Variants in IFIH1 observed in about 807,000 individuals in gnomAD.
The protein encoded by IFIH1 is interferon-induced helicase C domain-containing protein 1.
Under a neutral mutation model 107.4 loss-of-function variants are expected in IFIH1, and 125 were observed. That is an observed-to-expected ratio of 1.16 (90% CI 1.01 to 1.35). The LOEUF is 1.35. Ranked by LOEUF, IFIH1 falls within the 40% of genes most tolerant of loss-of-function variation. IFIH1 has a pLI of 0.00. For synonymous variants in IFIH1, 458 were observed against 413.2 expected (o/e 1.11, Z -1.31); for missense variants, 1,333 against 1,213.7 (o/e 1.10, Z -1.46).
chr2:162,277,566 A>G lies in IFIH1; in HGVS notation c.1893T>C (p.Asn631=), dbSNP rs1231103596. The change falls in exon 10 of 16, where the codon AAT becomes AAC. Residue 631 remains asparagine (N), a synonymous_variant. Transcript: ENST00000649979. ...CTGCAAACTTCTTATCTTTCTCTTC[A>G]TTATAGAAAGTTTCAAGATGAGTAT... ...DAYTHLETFY[N]EEKDKKFAVI... is the part of the protein sequence containing the mutation. 1.2e-6 allele frequency: 2 copies of G among 1,605,972 alleles called. No homozygotes were observed. Among genetic ancestry groups the G allele is most frequent in the African/African-American group, 2.7e-5 (2 of 74,722 alleles).
At chr2:162,308,769 TC>T (rs1460514684) in intron 2 of IFIH1, among the ~76,000 whole-genome samples, 8 of 152,154 alleles carry the variant, frequency 5.3e-5, no homozygotes, top group Non-Finnish European at 8.8e-5. Context: ...AGGACAAAAT[TC>T]CATCTGTAGC....
intron 14 of IFIH1, among the ~76,000 whole-genome samples, chr2:162,267,885 T>C (rs1175553499): frequency 6.6e-6 from 1 of 152,252 alleles, no homozygotes; most frequent in Non-Finnish European, 1.5e-5. Flanking sequence ...AAAATGGCTT[T>C]GGTTCTTACA....
At chr2:162,306,552 ATTATT>A (rs528223954) in intron 3 of IFIH1, among the ~76,000 whole-genome samples, 152 bp downstream of exon 3, 210 of 152,326 alleles carry the variant, frequency 1.4e-3, no homozygotes, top group African/African-American at 5.0e-3. Flanking sequence ...TTGGCCAAGA[ATTATT>A]TTAATTTAAT....
chr2:162,285,909 A>G (rs1682884687), intron 5 of IFIH1, among the ~76,000 whole-genome samples: 2 of 152,014 alleles, frequency 1.3e-5, no homozygotes, highest in Non-Finnish European at 2.9e-5. Context: ...GTTCTAGTTT[A>G]AGAGATTTTC....
At chr2:162,270,509 T>G (rs1326317867) in intron 13 of IFIH1, among the ~76,000 whole-genome samples, 2 of 152,158 alleles carry the variant, frequency 1.3e-5, no homozygotes, top group Non-Finnish European at 2.9e-5. Context: ...CCTTCCCCAT[T>G]GCCACTCCTA....
chr2:162,267,520 C>T lies in IFIH1; in HGVS notation c.2857G>A (p.Asp953Asn), dbSNP rs751417093. 27 of 1,613,788 alleles carry T rather than the reference C, an allele frequency of 1.7e-5. No individual in the cohort carries two copies. In the Middle Eastern group the frequency reaches 8.2e-4, roughly 49 times the overall value. ...ATGATTTCACCATTTATTTGATAGTCGGCACACTTCTTTTGCAGTGCTTTG... is the reference window on the plus strand; with the variant it reads ...ATGATTTCACCATTTATTTGATAGTTGGCACACTTCTTTTGCAGTGCTTTG... The part of the protein sequence containing the change: ...ENKALQKKCA[D>N]YQINGEIICK... The change falls in exon 15 of 16, where the codon GAC becomes AAC. Residue 953 changes from aspartate to asparagine, a missense_variant. Asp to Asn is a conservative substitution (Grantham distance 23). Transcript: ENST00000649979.
chr2:162,305,823 G>A (rs1663947701), intron 3 of IFIH1, among the ~76,000 whole-genome samples: 1 of 152,116 alleles, frequency 6.6e-6, no homozygotes, highest in Non-Finnish European at 1.5e-5. Flanking sequence ...TCTTTGATCT[G>A]GAGGCTATCT....
chr2:162,313,208 A>G (rs1287840547), intron 1 of IFIH1, among the ~76,000 whole-genome samples: 2 of 152,214 alleles, frequency 1.3e-5, no homozygotes, highest in African/African-American at 4.8e-5. Context: ...CTTTGAAGCA[A>G]TTATATAATT....
At position 162,310,880 on chromosome 2, in the gene IFIH1, T is replaced by C. The variant is rs767248861; in HGVS notation, c.507A>G (p.Lys169=). 2 of 1,613,436 alleles carry C rather than the reference T, an allele frequency of 1.2e-6. No homozygotes were observed. The part of the protein sequence containing the change: ...GNESGVRELL[K]RIVQKENWFS... ...ACCAGTTTTCTTTCTGCACAATCCTTTTTAGTAGCTCTCTTACACCTGATT... is the reference window on the plus strand; with the variant it reads ...ACCAGTTTTCTTTCTGCACAATCCTCTTTAGTAGCTCTCTTACACCTGATT... Residue 169 remains lysine (K), a synonymous_variant, in exon 2 of 16, where the codon AAA becomes AAG. Coordinates refer to ENST00000649979, the MANE Select transcript of IFIH1 (RefSeq NM_022168.4).
chr2:162,288,284 C>G lies in IFIH1; in HGVS notation c.946G>C (p.Ala316Pro), dbSNP rs1355343871. Residue 316 changes from alanine to proline, a missense_variant, in exon 5 of 16, where the codon GCC becomes CCC. Physicochemically the swap from Ala to Pro is conservative, Grantham distance 27 (BLOSUM62 -1). Coordinates refer to ENST00000649979, the MANE Select transcript of IFIH1 (RefSeq NM_022168.4). Reference sequence around the variant, plus strand: ...TTCTTCCCTTCCAAGGCTGGCTGGGCAACTTCCATTTGGTAAGGCCTGAGC... The same window carrying G: ...TTCTTCCCTTCCAAGGCTGGCTGGGGAACTTCCATTTGGTAAGGCCTGAGC... ...LQLRPYQMEV[A>P]QPALEGKNII... The G allele has an allele frequency of 6.2e-7, 1 of 1,612,830 alleles. No homozygotes were observed. The highest frequency in any genetic ancestry group is 8.5e-7 in the Non-Finnish European group (1 of 1,179,266).
chr2:162,317,016 G>GGT (rs56835671), intron 1 of IFIH1, among the ~76,000 whole-genome samples: 23,659 of 143,798 alleles, frequency 0.16, 2,034 homozygotes, highest in South Asian at 0.31. Flanking sequence ...AAAGAAAAAG[G>GGT]GTGTGTGTGT....
At chr2:162,295,604 A>G (rs1419300544) in intron 3 of IFIH1, among the ~76,000 whole-genome samples, 1 of 152,060 alleles carries the variant, frequency 6.6e-6, no homozygotes, top group African/African-American at 2.4e-5. Flanking sequence ...TTAGCACAAC[A>G]TAAATATACT....
chr2:162,286,315 G>A (rs1039509081), intron 5 of IFIH1, among the ~76,000 whole-genome samples: 1 of 151,924 alleles, frequency 6.6e-6, no homozygotes. Flanking sequence ...AACTCTAACC[G>A]GTGATTGTGG....
chr2:162,288,879 G>A (rs534625627), intron 4 of IFIH1, among the ~76,000 whole-genome samples: 22 of 148,802 alleles, frequency 1.5e-4, no homozygotes, highest in Middle Eastern at 3.4e-3. Flanking sequence ...ATTTTCTTTC[G>A]TTTGTAGAAA....
rs550464840 is a variant in IFIH1, at chr2:162,268,814, T to C, written c.2617-537A>G. Among the ~76,000 whole-genome samples the C allele has an allele frequency of 1.7e-4, 26 of 152,226 alleles. 1 individual carries two copies. The highest frequency in any genetic ancestry group is 1.3e-4 in the Non-Finnish European group (9 of 68,006). ...CATGTTGCCCAGGCTGATCTCAAAT[T>C]CTTGATCTCAGTGATCCACCTGCCT... On this transcript the variant is annotated intron_variant, in intron 13 of 15. Transcript: ENST00000649979.
At position 162,291,680 on chromosome 2, in the gene IFIH1, A is replaced by G. The variant is rs539498037; in HGVS notation, c.874+1884T>C. On this transcript the variant is annotated intron_variant, in intron 4 of 15. Coordinates refer to ENST00000649979, the MANE Select transcript of IFIH1 (RefSeq NM_022168.4). Reference sequence around the variant, plus strand: ...GACATATAGAATGAAGTCCCTTTTGATGTCAACTTCAAAGATTAAAACACA... The same window carrying G: ...GACATATAGAATGAAGTCCCTTTTGGTGTCAACTTCAAAGATTAAAACACA... Among the ~76,000 whole-genome samples, 16 of 151,930 alleles carry G rather than the reference A, an allele frequency of 1.1e-4. No homozygotes were observed. The South Asian group carries it at 3.3e-3, about 31-fold the overall frequency.
intron 4 of IFIH1, 43 bp downstream of exon 4, chr2:162,293,521 T>G (rs1170109960): frequency 7.8e-7 from 1 of 1,284,066 alleles, no homozygotes; most frequent in Non-Finnish European, 1.1e-6. Context: ...ATATGGCGTC[T>G]TATTTCACAC....
chr2:162,312,908 G>C (rs1430300250), intron 1 of IFIH1, among the ~76,000 whole-genome samples: 1 of 152,104 alleles, frequency 6.6e-6, no homozygotes, highest in East Asian at 1.9e-4. Context: ...AAAAGAACCA[G>C]TGAGGCAACA....
rs76241400 is a variant in IFIH1, at chr2:162,286,179, C to T, written c.1095+1956G>A. 5.6e-3 allele frequency among the ~76,000 whole-genome samples: 859 copies of T among 152,040 alleles called. 15 individuals are homozygous for T. The highest frequency in any genetic ancestry group is 0.051 in the East Asian group (263 of 5,128). The stretch of plus-strand genomic sequence containing the variant: ...GTTATATGGAAAACAGTTAAAGGAA[C>T]TGTGGACATTTATTCCAAGGAACAA... On this transcript the variant is annotated intron_variant, in intron 5 of 15. Transcript: ENST00000649979.
Sources: gnomAD v4.1 joint callset for allele counts (sites outside exome capture counted in the v4.1 genomes callset) on GRCh38, gnomAD v4.1.1 for gene constraint, MANE v1.5 for transcripts, NCBI Gene and HGNC (gene_info 2026-07-23, HGNC 2026-07-21) for gene names.